LMCD1: variants seen among roughly 807,000 people sequenced by gnomAD.
LMCD1 encodes the protein LIM and cysteine rich domains 1, also known as LIM and cysteine-rich domains protein 1.
A neutral mutation model predicts 42.7 loss-of-function variants in LMCD1; 32 were observed. The observed-to-expected ratio is 0.75, with a 90% CI of 0.57 to 1.01. The LOEUF (loss-of-function observed/expected upper bound fraction) is 1.01, where lower values mean the gene tolerates loss of function less well. Ranked by LOEUF, LMCD1 falls within the 50% of genes least tolerant of loss-of-function variation. The pLI, the probability that LMCD1 is intolerant of heterozygous loss-of-function variation, is 0.00. For missense variants in LMCD1, 458 were observed against 483.1 expected (o/e 0.95, Z 0.49); for synonymous variants, 178 against 184.9 (o/e 0.96, Z 0.30).
At chr3:8,565,678 G>A (rs370357584) in intron 5 of LMCD1, 31 bp downstream of exon 5, 17 of 1,547,180 alleles carry the variant, frequency 1.1e-5, no homozygotes, top group East Asian at 7.3e-5. Context: ...GGGTTAGGGG[G>A]CTTGAGGGAC....
chr3:8,516,212 C>T (rs545940518), intron 1 of LMCD1, among the ~76,000 whole-genome samples: 1 of 152,060 alleles, frequency 6.6e-6, no homozygotes, highest in African/African-American at 2.4e-5. Context: ...TAGTGATTTC[C>T]GTGGTCTGGG....
At chr3:8,519,030 G>A (rs1465188476) in intron 1 of LMCD1, among the ~76,000 whole-genome samples, 3 of 152,136 alleles carry the variant, frequency 2.0e-5, no homozygotes. Flanking sequence ...AGATGAAGGT[G>A]TTTTATATAA....
intron 3 of LMCD1, among the ~76,000 whole-genome samples, chr3:8,541,297 C>T (rs1330727815): frequency 6.6e-6 from 1 of 152,164 alleles, no homozygotes; most frequent in African/African-American, 2.4e-5. Flanking sequence ...CACCTGTAAT[C>T]CTAGCACTTT....
chr3:8,511,116 A>G (rs1407155565), intron 1 of LMCD1, among the ~76,000 whole-genome samples: 1 of 152,208 alleles, frequency 6.6e-6, no homozygotes, highest in East Asian at 1.9e-4. Context: ...TTTCTTCATC[A>G]ATAAAAGGGG....
At chr3:8,505,385 T>C (rs903798345) in intron 1 of LMCD1, among the ~76,000 whole-genome samples, 6 of 152,224 alleles carry the variant, frequency 3.9e-5, no homozygotes, top group East Asian at 1.9e-4. Flanking sequence ...TTTGGAGTTA[T>C]ATAATGTTAG....
chr3:8,536,950 C>T (rs931393067), intron 2 of LMCD1, among the ~76,000 whole-genome samples: 1 of 152,188 alleles, frequency 6.6e-6, no homozygotes, highest in Non-Finnish European at 1.5e-5. Flanking sequence ...ACTCTTTTTA[C>T]CAGCACAAGT....
intron 4 of LMCD1, 23 bp from the exon 5 acceptor site, chr3:8,565,409 A>G (rs534565330): frequency 8.1e-6 from 13 of 1,605,354 alleles, no homozygotes; most frequent in African/African-American, 6.7e-5. Context: ...CTTGTCTCCT[A>G]TGGTCCTTCC....
At chr3:8,547,719 T>C (rs1694763973) in intron 3 of LMCD1, among the ~76,000 whole-genome samples, 1 of 140,698 alleles carries the variant, frequency 7.1e-6, no homozygotes, top group Non-Finnish European at 1.5e-5. Context: ...GGTGAAACCC[T>C]GTCTGTACTA....
At position 8,568,206 on chromosome 3, in the gene LMCD1, GC is replaced by G; in HGVS notation, c.*610del. On this transcript the variant is annotated 3_prime_UTR_variant, in exon 6 of 6. Transcript: ENST00000157600. ...AGAAAATATAGTAAAATACTAATGA[GC>G]CTCTCTATCAATGTATCTCATCAGA... The G allele has an allele frequency of 1.3e-5, 2 of 152,192 alleles. No homozygotes were observed. The highest frequency in any genetic ancestry group is 2.9e-5 in the Non-Finnish European group (2 of 68,054). The allele number at this position is 152,192 out of a possible 1,614,324, so 9.4% of individuals were successfully genotyped here.
At chr3:8,544,419 C>T (rs1694695606) in intron 3 of LMCD1, among the ~76,000 whole-genome samples, 1 of 152,164 alleles carries the variant, frequency 6.6e-6, no homozygotes, top group Non-Finnish European at 1.5e-5. Flanking sequence ...GCTGGGTATG[C>T]TGTGAGCTTA....
chr3:8,532,843 G>A lies in LMCD1; in HGVS notation c.131+18G>A, dbSNP rs1444791408. ...TCATGGAGGTAACAGATTTTGTCAG[G>A]AGGGTCCCTGTCTGCCTTTGTTACT... On this transcript the variant is annotated intron_variant, in intron 2 of 5. Coordinates refer to ENST00000157600, the MANE Select transcript of LMCD1 (RefSeq NM_014583.4). 2 of 1,604,570 alleles carry A rather than the reference G, an allele frequency of 1.2e-6. No homozygotes were observed. Among genetic ancestry groups the A allele is most frequent in the Non-Finnish European group, 8.5e-7 (1 of 1,171,576 alleles).
At chr3:8,527,571 C>T (rs148562734) in intron 1 of LMCD1, among the ~76,000 whole-genome samples, 35 of 152,312 alleles carry the variant, frequency 2.3e-4, no homozygotes, top group African/African-American at 8.2e-4. Context: ...ACTCCAGCTT[C>T]TCTCCCAGAA....
intron 1 of LMCD1, among the ~76,000 whole-genome samples, chr3:8,502,895 T>C (rs576577076): frequency 6.6e-6 from 1 of 152,100 alleles, no homozygotes; most frequent in Non-Finnish European, 1.5e-5. Flanking sequence ...ATCGGGAAAC[T>C]GAGGCCCGGG....
chr3:8,540,361 T>A (rs753351410), intron 3 of LMCD1, among the ~76,000 whole-genome samples: 1 of 152,266 alleles, frequency 6.6e-6, no homozygotes, highest in Admixed American at 6.5e-5. Flanking sequence ...CTAGCCACCA[T>A]ACTAGGAGCT....
At chr3:8,550,604 A>G in intron 4 of LMCD1, 1 of 985,212 alleles carries the variant, frequency 1.0e-6, no homozygotes, top group South Asian at 4.7e-5. Flanking sequence ...AACAAGATTT[A>G]TTTCCTCTAC....
chr3:8,532,928 C>G, intron 2 of LMCD1, 103 bp downstream of exon 2: 1 of 927,160 alleles, frequency 1.1e-6, no homozygotes, highest in Non-Finnish European at 1.7e-6. Context: ...TGGTTGTATG[C>G]GTTGTCAGGG....
intron 4 of LMCD1, among the ~76,000 whole-genome samples, chr3:8,557,935 C>T (rs534949731): frequency 1.2e-4 from 18 of 152,306 alleles, no homozygotes; most frequent in Non-Finnish European, 2.4e-4. Flanking sequence ...GGAAGACACA[C>T]ACAGCAGGGA....
chr3:8,529,930 C>T (rs1345236422), intron 1 of LMCD1, among the ~76,000 whole-genome samples: 1 of 152,196 alleles, frequency 6.6e-6, no homozygotes, highest in Non-Finnish European at 1.5e-5. Context: ...CCTGGTAACC[C>T]TGCAAGGCAA....
rs150431187 is a variant in LMCD1 at position 8,526,189 on chromosome 3, A to G, written c.43-6548A>G. 8.5e-5 allele frequency among the ~76,000 whole-genome samples: 13 copies of G among 152,270 alleles called. No individual in the cohort carries two copies. In the East Asian group the frequency reaches 2.5e-3, roughly 29 times the overall value. On this transcript the variant is annotated intron_variant, in intron 1 of 5. Coordinates refer to ENST00000157600, the MANE Select transcript of LMCD1 (RefSeq NM_014583.4). Reference sequence around the variant, plus strand: ...TCCCCTGCTAAAGGACAATCTCATGACACACTGTTTCTCCTTCCTAGCACT... The same window carrying G: ...TCCCCTGCTAAAGGACAATCTCATGGCACACTGTTTCTCCTTCCTAGCACT...
Sources: gnomAD v4.1 joint callset for allele counts (sites outside exome capture counted in the v4.1 genomes callset) on GRCh38, gnomAD v4.1.1 for gene constraint, MANE v1.5 for transcripts, NCBI Gene and HGNC (gene_info 2026-07-23, HGNC 2026-07-21) for gene names.